The following NKAIN3 variants were observed in gnomAD, a reference collection of about 807,000 sequenced individuals.
NKAIN3 encodes sodium/potassium-transporting ATPase subunit beta-1-interacting protein 3.
A neutral mutation model predicts 30.2 loss-of-function variants in NKAIN3; 25 were observed. That is an observed-to-expected ratio of 0.83 (90% confidence interval 0.60 to 1.16). NKAIN3 has a LOEUF of 1.16. NKAIN3 is among the 50% of genes most tolerant of loss of function. The pLI is 0.00. For synonymous variants in NKAIN3, 91 were observed against 89.6 expected (o/e 1.02, Z -0.09); for missense variants, 225 against 254.1 (o/e 0.89, Z 0.78).
intron 1 of NKAIN3, among the ~76,000 whole-genome samples, chr8:62,424,704 A>T (rs2129597068): frequency 6.6e-6 from 1 of 152,084 alleles, no homozygotes; most frequent in African/African-American, 2.4e-5. Context: ...ATGGGAGTAT[A>T]AAGTAATGTA....
At chr8:62,927,338 C>T (rs1822481879) in intron 5 of NKAIN3, among the ~76,000 whole-genome samples, 1 of 152,170 alleles carries the variant, frequency 6.6e-6, no homozygotes, top group East Asian at 1.9e-4. Flanking sequence ...ACACTTTCTC[C>T]CCTGGATTTC....
At chr8:62,807,762 A>C (rs1325597237) in intron 4 of NKAIN3, among the ~76,000 whole-genome samples, 1 of 149,324 alleles carries the variant, frequency 6.7e-6, no homozygotes, top group Non-Finnish European at 1.5e-5. Flanking sequence ...CATGGTGGCC[A>C]GGAAGATATA....
chr8:62,331,468 C>T (rs1404744511), intron 1 of NKAIN3, among the ~76,000 whole-genome samples: 1 of 152,122 alleles, frequency 6.6e-6, no homozygotes, highest in Non-Finnish European at 1.5e-5. Context: ...GTGCCTGGCA[C>T]CGTCAGCGTA....
chr8:62,445,380 T>A (rs138227982), intron 1 of NKAIN3, among the ~76,000 whole-genome samples: 98 of 152,138 alleles, frequency 6.4e-4, no homozygotes, highest in African/African-American at 2.1e-3. Flanking sequence ...ATTTTCTTGG[T>A]TTTTTGCTGT....
At chr8:62,918,358 G>T in intron 4 of NKAIN3, 95 bp from the exon 5 acceptor site, 1 of 853,664 alleles carries the variant, frequency 1.2e-6, no homozygotes, top group Non-Finnish European at 1.9e-6. Flanking sequence ...CTTAAAAGTT[G>T]CTCATAAATA....
At chr8:62,284,891 T>A (rs751454515) in intron 1 of NKAIN3, among the ~76,000 whole-genome samples, 6 of 152,136 alleles carry the variant, frequency 3.9e-5, no homozygotes, top group African/African-American at 1.4e-4. Flanking sequence ...GGCATCTGAG[T>A]TCAGTGGTTC....
At chr8:62,287,286 G>A (rs1384402415) in intron 1 of NKAIN3, among the ~76,000 whole-genome samples, 2 of 151,870 alleles carry the variant, frequency 1.3e-5, no homozygotes, top group African/African-American at 4.8e-5. Flanking sequence ...AGGTGCGTAA[G>A]GCAAACATCA....
At chr8:62,389,506 G>A (rs1041340202) in intron 1 of NKAIN3, among the ~76,000 whole-genome samples, 4 of 152,142 alleles carry the variant, frequency 2.6e-5, no homozygotes, top group African/African-American at 9.7e-5. Context: ...CAAGCTGAGG[G>A]AATTCTTCTC....
At position 62,966,438 on chromosome 8, in the gene NKAIN3, C is replaced by G. The variant is rs1331720825; in HGVS notation, c.*1031C>G. 1.0e-6 allele frequency: 1 copy of G among 955,952 alleles called. No individual in the cohort carries two copies. The highest frequency in any genetic ancestry group is 1.2e-6 in the Non-Finnish European group (1 of 803,250). The allele number at this position is 955,952 out of a possible 1,614,324, so 59.2% of individuals were successfully genotyped here. On this transcript the variant is annotated 3_prime_UTR_variant, in exon 7 of 7. Transcript: ENST00000623646. ...ATCACAGTTGTATTTTTTTAACTGG[C>G]ATAAAACTTACATATGGTAAAATGC...
intron 1 of NKAIN3, among the ~76,000 whole-genome samples, chr8:62,458,311 A>G (rs1156327824): frequency 6.6e-6 from 1 of 152,224 alleles, no homozygotes; most frequent in Non-Finnish European, 1.5e-5. Context: ...GTTATATAAG[A>G]TGGACCATGT....
intron 5 of NKAIN3, among the ~76,000 whole-genome samples, chr8:62,999,020 T>C (rs1028545313): frequency 6.6e-6 from 1 of 152,250 alleles, no homozygotes; most frequent in African/African-American, 2.4e-5. Flanking sequence ...AATTTTTCTT[T>C]TGAGAAATGT....
chr8:62,838,842 C>A (rs923720838), intron 4 of NKAIN3, among the ~76,000 whole-genome samples: 5 of 152,062 alleles, frequency 3.3e-5, no homozygotes, highest in African/African-American at 9.7e-5. Flanking sequence ...TCTGGGGGAT[C>A]ACCAGAAAAA....
chr8:62,829,751 G>GATAGATAT (rs1819137686), intron 4 of NKAIN3, among the ~76,000 whole-genome samples: 1 of 147,014 alleles, frequency 6.8e-6, no homozygotes, highest in Non-Finnish European at 1.5e-5. Flanking sequence ...ATGATAGATA[G>GATAGATAT]ATAGATAGAT....
At chr8:62,382,262 T>C (rs185632789) in intron 1 of NKAIN3, among the ~76,000 whole-genome samples, 393 of 152,150 alleles carry the variant, frequency 2.6e-3, no homozygotes, top group African/African-American at 9.2e-3. Flanking sequence ...ATTAAGAAAA[T>C]CATAAAGAAG....
chr8:62,914,962 C>T (rs563473452), intron 4 of NKAIN3, among the ~76,000 whole-genome samples: 2 of 151,952 alleles, frequency 1.3e-5, no homozygotes, highest in South Asian at 2.1e-4. Flanking sequence ...CTTGCCCCCC[C>T]ACAGGCCCTG....
rs77143118 is a variant in NKAIN3, at chr8:62,856,444, T to C, written c.472-62009T>C. On this transcript the variant is annotated intron_variant, in intron 4 of 6. Coordinates refer to ENST00000623646, the MANE Select transcript of NKAIN3 (RefSeq NM_001304533.3). ...CTCTGCTATGCTGGTGATATCTCTA[T>C]AGAATAAGGATATGTCAAAGCCCCC... 6.2e-3 allele frequency: 4,910 copies of C among 789,332 alleles called. 20 individuals carry two copies. Among genetic ancestry groups the C allele is most frequent in the Middle Eastern group, 9.5e-3 (31 of 3,270 alleles). The allele number at this position is 789,332 out of a possible 1,614,324, so 48.9% of individuals were successfully genotyped here.
At chr8:62,756,525 C>T (rs906428400) in intron 4 of NKAIN3, among the ~76,000 whole-genome samples, 5 of 152,126 alleles carry the variant, frequency 3.3e-5, no homozygotes, top group Non-Finnish European at 7.4e-5. Context: ...AGTTAGCCTT[C>T]ACCTTCCCAC....
intron 4 of NKAIN3, among the ~76,000 whole-genome samples, chr8:62,838,097 T>C (rs901142177): frequency 6.6e-5 from 10 of 150,642 alleles, no homozygotes; most frequent in Non-Finnish European, 1.2e-4. Flanking sequence ...AAGGTGTGTG[T>C]GTGTGTGTAT....
intron 1 of NKAIN3, among the ~76,000 whole-genome samples, chr8:62,435,388 G>A (rs750882105): frequency 6.6e-6 from 1 of 152,072 alleles, no homozygotes. Flanking sequence ...AAAACCACAC[G>A]CTGACAGAAT....
Sources: allele counts gnomAD v4.1 joint callset (sites outside exome capture counted in the v4.1 genomes callset), GRCh38; gene constraint gnomAD v4.1.1; transcripts MANE v1.5; gene names NCBI Gene and HGNC (gene_info 2026-07-23, HGNC 2026-07-21).